The following SUCO variants were observed in gnomAD, a reference collection of about 807,000 sequenced individuals.
SUCO encodes SUN domain containing ossification factor, also known as SUN domain-containing ossification factor.
In SUCO, 57 loss-of-function variants were observed where a neutral mutation model predicts 148.1. The observed-to-expected ratio is 0.38, with a 90% confidence interval of 0.31 to 0.48. The LOEUF (loss-of-function observed/expected upper bound fraction) is 0.48, where lower values mean the gene tolerates loss of function less well. Ranked by LOEUF, SUCO falls within the 20% of genes least tolerant of loss-of-function variation. The pLI is 0.96. For synonymous variants in SUCO, 470 were observed against 502.7 expected (o/e 0.93, Z 0.87); for missense variants, 1,331 against 1,468.2 (o/e 0.91, Z 1.53).
intron 14 of SUCO, among the ~76,000 whole-genome samples, chr1:172,578,776 CATTGAGA>C (rs1450987365): frequency 6.6e-6 from 1 of 151,984 alleles, no homozygotes; most frequent in Non-Finnish European, 1.5e-5. Flanking sequence ...TCCTGTGAGC[CATTGAGA>C]AATCCTGTGA....
At chr1:172,586,666 T>A (rs1656268743) in intron 17 of SUCO, among the ~76,000 whole-genome samples, 1 of 152,112 alleles carries the variant, frequency 6.6e-6, no homozygotes, top group Non-Finnish European at 1.5e-5. Flanking sequence ...GTCCTTTATC[T>A]TAGAACAACT....
rs1013112268 is a variant in SUCO at position 172,602,552 on chromosome 1, C to G, written c.3174-144C>G. The G allele has an allele frequency of 9.8e-6, 14 of 1,431,860 alleles. No homozygotes were observed. In the African/African-American group the frequency reaches 1.7e-4, roughly 18 times the overall value. 88.7% of individuals were successfully genotyped at this position (1,431,860 alleles called of 1,614,324 possible). A position where few individuals can be genotyped will look rare whatever the true frequency, so the allele number is the denominator to read the frequency against. ...AAAGATCTCTAAATTTTTTTTTCCA[C>G]CTGTATTAGCAATAACTGGAGTGTT... On this transcript the variant is annotated intron_variant, in intron 21 of 23. Transcript: ENST00000263688.
chr1:172,547,440 T>C (rs1418939694), intron 1 of SUCO, among the ~76,000 whole-genome samples: 2 of 152,204 alleles, frequency 1.3e-5, no homozygotes, highest in Non-Finnish European at 2.9e-5. Flanking sequence ...ACGGATATTA[T>C]ATGCTTTTCG....
chr1:172,561,023 CTAGATAGT>C (rs1654111049), intron 6 of SUCO, among the ~76,000 whole-genome samples: 1 of 152,266 alleles, frequency 6.6e-6, no homozygotes, highest in African/African-American at 2.4e-5. Flanking sequence ...CCTTCCCAGA[CTAGATAGT>C]TGTTTTTCCC....
intron 16 of SUCO, 114 bp from the exon 17 acceptor site, chr1:172,585,744 G>A: frequency 1.5e-6 from 1 of 670,780 alleles, no homozygotes; most frequent in Non-Finnish European, 2.6e-6. Context: ...AAAGTCTGCA[G>A]TAGCAAACCT....
At position 172,533,309 on chromosome 1, in the gene SUCO, C is replaced by G; in HGVS notation, c.-127C>G. 1 of 1,550,724 alleles carries G rather than the reference C, an allele frequency of 6.4e-7. No homozygotes were observed. The highest frequency in any genetic ancestry group is 1.2e-5 in the South Asian group (1 of 84,006). On this transcript the variant is annotated 5_prime_UTR_variant, in exon 1 of 24. Transcript: ENST00000263688. ...AGCCACTGAGGAGCCGCTCAGCCAG[C>G]GCCATAGCCCTTAGGACTATCGGTC... is the stretch of plus-strand genomic sequence containing the variant.
At chr1:172,597,927 A>T (rs1403844485) in intron 19 of SUCO, among the ~76,000 whole-genome samples, 2 of 152,142 alleles carry the variant, frequency 1.3e-5, no homozygotes, top group Non-Finnish European at 2.9e-5. Context: ...TTCTCTTTAC[A>T]GTGTGGTTTG....
intron 6 of SUCO, among the ~76,000 whole-genome samples, chr1:172,558,401 C>G (rs969370912): frequency 2.0e-5 from 3 of 152,138 alleles, no homozygotes; most frequent in Non-Finnish European, 4.4e-5. Flanking sequence ...TTAAACTTCC[C>G]TCAGGTAAGC....
Position 172,585,955 on chromosome 1 carries a change from T to C in SUCO, c.1658+7T>C. On this transcript the variant is annotated splice_region_variant and intron_variant, in intron 17 of 23. Transcript: ENST00000263688. ...CTCCTGTTCCATCTCCTGAGTAAGT[T>C]ATAATGTGATATTAAATAGAATTTT... is the stretch of plus-strand genomic sequence containing the variant. The C allele has an allele frequency of 1.3e-6, 2 of 1,539,932 alleles. No individual in the cohort carries two copies. The highest frequency in any genetic ancestry group is 1.8e-6 in the Non-Finnish European group (2 of 1,128,542).
At chr1:172,588,347 G>GT in intron 17 of SUCO, 1 of 985,336 alleles carries the variant, frequency 1.0e-6, no homozygotes, top group Non-Finnish European at 1.2e-6. Context: ...ATTTAAGCTA[G>GT]TTTATTAAGC....
At chr1:172,546,107 T>A (rs1428715036) in intron 1 of SUCO, among the ~76,000 whole-genome samples, 1 of 152,176 alleles carries the variant, frequency 6.6e-6, no homozygotes, top group Non-Finnish European at 1.5e-5. Flanking sequence ...GGCTAATTTT[T>A]GTATGTTTTG....
At chr1:172,542,177 C>T (rs1360234646) in intron 1 of SUCO, among the ~76,000 whole-genome samples, 10 of 151,884 alleles carry the variant, frequency 6.6e-5, no homozygotes, top group South Asian at 2.1e-4. Flanking sequence ...GTCAGGAGTT[C>T]GAGACCAGCC....
chr1:172,586,885 G>C (rs910969738), intron 17 of SUCO, among the ~76,000 whole-genome samples: 1 of 152,108 alleles, frequency 6.6e-6, no homozygotes, highest in Non-Finnish European at 1.5e-5. Flanking sequence ...TGGGTAATTA[G>C]AAAATATAGC....
chr1:172,577,475 G>A, intron 11 of SUCO, 64 bp from the exon 12 acceptor site: 3 of 1,458,562 alleles, frequency 2.1e-6, no homozygotes, highest in Admixed American at 3.5e-5. Flanking sequence ...ATTTAAAGAT[G>A]CTTATTGCAT....
intron 19 of SUCO, among the ~76,000 whole-genome samples, chr1:172,595,616 C>A (rs1158842795): frequency 6.6e-6 from 1 of 152,236 alleles, no homozygotes; most frequent in African/African-American, 2.4e-5. Flanking sequence ...CCACTCTCTT[C>A]TGACTTGTAG....
intron 15 of SUCO, chr1:172,584,497 G>C (rs1180078851): frequency 4.3e-6 from 1 of 230,880 alleles, no homozygotes; most frequent in Admixed American, 6.5e-5. Context: ...TTAAGGCCAG[G>C]CGCGGTGGCT....
intron 6 of SUCO, among the ~76,000 whole-genome samples, chr1:172,562,400 C>T (rs1246283828): frequency 1.4e-5 from 2 of 144,192 alleles, no homozygotes; most frequent in Admixed American, 1.4e-4. Flanking sequence ...GTGGTGCGAT[C>T]TCTGCTCACT....
chr1:172,589,470 C>G lies in SUCO; in HGVS notation c.2369C>G (p.Pro790Arg), dbSNP rs1238741717. The change falls in exon 18 of 24, where the codon CCA becomes CGA. Residue 790 changes from proline to arginine, a missense_variant. Transcript: ENST00000263688. ...KSESFSSIEK[P>R]SITYETNKVN... Reference sequence around the variant, plus strand: ...GAGAGCTTTAGTTCTATAGAGAAACCATCTATTACCTATGAAACAAATAAA... The same window carrying G: ...GAGAGCTTTAGTTCTATAGAGAAACGATCTATTACCTATGAAACAAATAAA... 1 of 1,610,188 alleles carries G rather than the reference C, an allele frequency of 6.2e-7. No individual in the cohort carries two copies. Among genetic ancestry groups the G allele is most frequent in the Non-Finnish European group, 8.5e-7 (1 of 1,178,506 alleles).
intron 19 of SUCO, among the ~76,000 whole-genome samples, chr1:172,592,389 C>G (rs1656738704): frequency 6.6e-6 from 1 of 152,102 alleles, no homozygotes; most frequent in African/African-American, 2.4e-5. Context: ...AGGTTTTCTT[C>G]TAGGGTTTTT....
Sources: allele counts gnomAD v4.1 joint callset (sites outside exome capture counted in the v4.1 genomes callset), GRCh38; gene constraint gnomAD v4.1.1; transcripts MANE v1.5; gene names NCBI Gene and HGNC (gene_info 2026-07-23, HGNC 2026-07-21).